The following PCDHGA3 variants were observed in gnomAD, a reference collection of about 807,000 sequenced individuals.
PCDHGA3 encodes protocadherin gamma subfamily A, 3, also known as protocadherin gamma-A3.
In PCDHGA3, 40 loss-of-function variants were observed where a neutral mutation model predicts 58.5. The observed-to-expected ratio is 0.68, with a 90% confidence interval of 0.53 to 0.89. The LOEUF is 0.89. Ranked by LOEUF, PCDHGA3 falls within the 40% of genes least tolerant of loss-of-function variation. PCDHGA3 has a pLI of 0.00. For synonymous variants in PCDHGA3, 530 were observed against 525.7 expected, an observed-to-expected ratio of 1.01 and a Z score of -0.11; for missense variants, 1,223 against 1,195.9, an observed-to-expected ratio of 1.02 and a Z score of -0.33.
chr5:141,404,081 G>A (rs1436868245), intron 1 of PCDHGA3: 10 of 1,613,302 alleles, frequency 6.2e-6, no homozygotes, highest in South Asian at 2.2e-5. Context: ...CCGAGACTCC[G>A]GGAAGAATGG....
chr5:141,421,665 C>T, intron 1 of PCDHGA3: 1 of 1,613,854 alleles, frequency 6.2e-7, no homozygotes, highest in African/African-American at 1.3e-5. Context: ...TCAGTGAGCA[C>T]GCAATTCCTG....
At chr5:141,410,038 T>C (rs1364065272) in intron 1 of PCDHGA3, 2 of 1,613,086 alleles carry the variant, frequency 1.2e-6, no homozygotes, top group African/African-American at 1.3e-5. Flanking sequence ...TGCAGGCCAG[T>C]GAGCCCGGAC....
At chr5:141,372,302 G>C in intron 1 of PCDHGA3, 1 of 1,613,340 alleles carries the variant, frequency 6.2e-7, no homozygotes, top group Non-Finnish European at 8.5e-7. Flanking sequence ...GCGACAGGGA[G>C]GCCGCCCGCC....
At chr5:141,356,493 A>C in intron 1 of PCDHGA3, 1 of 1,613,938 alleles carries the variant, frequency 6.2e-7, no homozygotes, top group Non-Finnish European at 8.5e-7. Flanking sequence ...GAACTCCTCC[A>C]CTGTCTACAG....
At chr5:141,434,785 T>A (rs7727021) in intron 1 of PCDHGA3, among the ~76,000 whole-genome samples, 45,585 of 150,884 alleles carry the variant, frequency 0.3, 8,100 homozygotes, top group African/African-American at 0.51. Context: ...AAAAAAAAAA[T>A]TTTTTTTTCT....
rs564582881 is a variant in PCDHGA3, at chr5:141,432,735, C to T, written c.2425-62072C>T. ...CAGCCCCCTCTCTCCGCCACTGTCA[C>T]GCTCACCGTGGCCGTGGCCGACAGC... On this transcript the variant is annotated intron_variant, in intron 1 of 3. Coordinates refer to ENST00000253812, the MANE Select transcript of PCDHGA3 (RefSeq NM_018916.4). This position sits in a 1 kb window ranked among gnomAD's most constrained non-coding sequence, Gnocchi z 6.0. 2 of 1,614,094 alleles carry T rather than the reference C, an allele frequency of 1.2e-6. No individual in the cohort carries two copies. The highest frequency in any genetic ancestry group is 1.1e-5 in the South Asian group (1 of 91,086).
intron 1 of PCDHGA3, chr5:141,399,738 G>T: frequency 1.2e-6 from 2 of 1,613,268 alleles, no homozygotes; most frequent in South Asian, 2.2e-5. Flanking sequence ...GCTCGCCTGC[G>T]CTCAGCGCAA....
chr5:141,449,837 TAATTA>T (rs1054425190), intron 1 of PCDHGA3, among the ~76,000 whole-genome samples: 11 of 151,856 alleles, frequency 7.2e-5, no homozygotes, highest in Middle Eastern at 3.4e-3. Context: ...TTCTTTTATA[TAATTA>T]AATTTTAATA....
In PCDHGA3 at chr5:141,431,964, A is replaced by G; in HGVS notation, c.2425-62843A>G. On this transcript the variant is annotated intron_variant, in intron 1 of 3. Coordinates refer to ENST00000253812, the MANE Select transcript of PCDHGA3 (RefSeq NM_018916.4). The surrounding 1 kb of genome is among the most constrained non-coding windows in gnomAD (Gnocchi z 4.8). Reference sequence around the variant, plus strand: ...TTAGAAAAATCTTACGGAAATTACTATAGTTTAGTCACAGACATAGTCTTG... The same window carrying G: ...TTAGAAAAATCTTACGGAAATTACTGTAGTTTAGTCACAGACATAGTCTTG... 2.5e-6 allele frequency: 4 copies of G among 1,614,218 alleles called. No individual in the cohort carries two copies. The highest frequency in any genetic ancestry group is 2.5e-6 in the Non-Finnish European group (3 of 1,180,028).
At chr5:141,369,400 T>A (rs1766214722) in intron 1 of PCDHGA3, among the ~76,000 whole-genome samples, 2 of 152,120 alleles carry the variant, frequency 1.3e-5, no homozygotes, top group Non-Finnish European at 2.9e-5. Flanking sequence ...GCCAGGGTGG[T>A]TCATGACTAT....
chr5:141,363,333 A>G (rs899178118), intron 1 of PCDHGA3, among the ~76,000 whole-genome samples: 3 of 152,286 alleles, frequency 2.0e-5, no homozygotes, highest in Non-Finnish European at 2.9e-5. Flanking sequence ...GTTATTAAAT[A>G]AAATGACTTT....
rs2097383403 is a variant in PCDHGA3 at position 141,431,483 on chromosome 5, T to C, written c.2425-63324T>C. On this transcript the variant is annotated intron_variant, in intron 1 of 3. Coordinates refer to ENST00000253812, the MANE Select transcript of PCDHGA3 (RefSeq NM_018916.4). This position sits in a 1 kb window ranked among gnomAD's most constrained non-coding sequence, Gnocchi z 4.8. ...GGATGCGAACGACAACGCACCAGCG[T>C]TTGCTCAGCCCGAGTACCGCGCGAG... 2 of 1,613,758 alleles carry C rather than the reference T, an allele frequency of 1.2e-6. No homozygotes were observed. The highest frequency in any genetic ancestry group is 2.7e-5 in the African/African-American group (2 of 74,938).
chr5:141,348,193 G>C (rs1758078679), intron 1 of PCDHGA3, among the ~76,000 whole-genome samples: 1 of 152,194 alleles, frequency 6.6e-6, no homozygotes. Context: ...TCAAACAAAA[G>C]AATAGATTCC....
chr5:141,477,043 G>A lies in PCDHGA3; in HGVS notation c.2425-17764G>A. The A allele has an allele frequency of 6.2e-7, 1 of 1,614,260 alleles. No individual in the cohort carries two copies. Among genetic ancestry groups the A allele is most frequent in the Middle Eastern group, 1.6e-4 (1 of 6,062 alleles). On this transcript the variant is annotated intron_variant, in intron 1 of 3. Coordinates refer to ENST00000253812, the MANE Select transcript of PCDHGA3 (RefSeq NM_018916.4). This position sits in a 1 kb window ranked among gnomAD's most constrained non-coding sequence, Gnocchi z 4.9. The stretch of plus-strand genomic sequence containing the variant: ...CCGGGATGCTGACAATCAAGGGTCG[G>A]CTGGACTTCGAGGACACCAAACTCC...
At position 141,357,474 on chromosome 5, in the gene PCDHGA3, C is replaced by T. The variant is rs530149154; in HGVS notation, c.2424+11017C>T. On this transcript the variant is annotated intron_variant, in intron 1 of 3. Transcript: ENST00000253812. The stretch of plus-strand genomic sequence containing the variant: ...TGCAGACCTATTCCCACGAGGTCTC[C>T]CTCACCGCGGACTCGCGGAAGAGTC... The T allele has an allele frequency of 2.5e-6, 4 of 1,614,220 alleles. No homozygotes were observed. In the South Asian group the frequency reaches 3.3e-5, roughly 13 times the overall value.
chr5:141,422,678 A>G, intron 1 of PCDHGA3: 1 of 1,606,250 alleles, frequency 6.2e-7, no homozygotes, highest in Non-Finnish European at 8.5e-7. Flanking sequence ...GACAGCAAAC[A>G]GAATGCCCTG....
In PCDHGA3 at chr5:141,344,229, A is replaced by T; in HGVS notation, c.196A>T (p.Ile66Phe). The change falls in exon 1 of 4, where the codon ATC becomes TTC. Residue 66 changes from isoleucine to phenylalanine, a missense_variant. Physicochemically the swap from Ile to Phe is conservative, Grantham distance 21. Transcript: ENST00000253812. ...PRELAERGVR[I>F]VSRGRTQLFS... ...GGAGCTGGCGGAGCGCGGAGTCCGCATCGTCTCCAGAGGTAGGACGCAGCT... is the reference window on the plus strand; with the variant it reads ...GGAGCTGGCGGAGCGCGGAGTCCGCTTCGTCTCCAGAGGTAGGACGCAGCT... 2 of 1,613,944 alleles carry T rather than the reference A, an allele frequency of 1.2e-6. No individual in the cohort carries two copies. The highest frequency in any genetic ancestry group is 4.5e-5 in the East Asian group (2 of 44,890).
rs755254491 is a variant in PCDHGA3, at chr5:141,409,746, T to TCG, written c.2424+63293_2424+63294dup. On this transcript the variant is annotated intron_variant, in intron 1 of 3. Transcript: ENST00000253812. ...GTGAGCGCGCAGAGCGGGGTGGTGT[T>TCG]CGCGCAGCGCGCCTTTGATCACGAG... The TCG allele has an allele frequency of 3.1e-6, 5 of 1,613,024 alleles. No homozygotes were observed. The South Asian group carries it at 5.5e-5, about 18-fold the overall frequency.
intron 1 of PCDHGA3, chr5:141,426,204 T>C (rs10046053): frequency 0.11 from 17,599 of 155,696 alleles, 1,197 homozygotes; most frequent in African/African-American, 0.19. Flanking sequence ...TTGAGTTTTC[T>C]ATGTATGGAA....
Sources: gnomAD v4.1 joint callset for allele counts (sites outside exome capture counted in the v4.1 genomes callset) on GRCh38, gnomAD v4.1.1 for gene constraint, Gnocchi (gnomAD v3.1) non-coding constraint, MANE v1.5 for transcripts, NCBI Gene and HGNC (gene_info 2026-07-23, HGNC 2026-07-21) for gene names.